GPC5: variants seen among roughly 807,000 people sequenced by gnomAD.
GPC5 encodes the protein glypican 5.
In GPC5, 47 loss-of-function variants were observed where a neutral mutation model predicts 53.9. The observed-to-expected ratio is 0.87, with a 90% confidence interval of 0.69 to 1.11. The LOEUF (loss-of-function observed/expected upper bound fraction) is 1.11. Ranked by LOEUF, GPC5 falls within the 50% of genes most tolerant of loss-of-function variation. The pLI, the probability that GPC5 is intolerant of heterozygous loss-of-function variation, is 0.00. For synonymous variants in GPC5, 286 were observed against 263.3 expected (o/e 1.09, Z -0.84); for missense variants, 748 against 713.1 (o/e 1.05, Z -0.56).
chr13:92,751,024 T>C (rs1015742985), intron 7 of GPC5, among the ~76,000 whole-genome samples: 1 of 152,140 alleles, frequency 6.6e-6, no homozygotes, highest in Non-Finnish European at 1.5e-5. Context: ...ATGCTTGTAG[T>C]ATAAAACAGC....
rs140294120 is a variant in GPC5, at chr13:92,799,511, A to G, written c.1562-66771A>G. On this transcript the variant is annotated intron_variant, in intron 7 of 7. Transcript: ENST00000377067. ...ATCTGAAAATTTACATGGGAACAAG[A>G]GGAAAGCAGCAATGTCTGAAAAATT... 2.4e-3 allele frequency among the ~76,000 whole-genome samples: 364 copies of G among 151,962 alleles called. 2 individuals are homozygous for G. Among genetic ancestry groups the G allele is most frequent in the African/African-American group, 8.6e-3 (355 of 41,506 alleles).
At chr13:92,441,319 T>C (rs1277577631) in intron 7 of GPC5, among the ~76,000 whole-genome samples, 1 of 152,230 alleles carries the variant, frequency 6.6e-6, no homozygotes, top group Non-Finnish European at 1.5e-5. Flanking sequence ...TCTGCCTGTC[T>C]GGGCCTCCCA....
intron 5 of GPC5, among the ~76,000 whole-genome samples, chr13:91,784,782 G>A (rs1389679458): frequency 2.0e-5 from 3 of 151,144 alleles, no homozygotes; most frequent in South Asian, 2.1e-4. Context: ...GATTAACTAT[G>A]CCATGGTTAT....
At chr13:92,628,194 C>A (rs553668351) in intron 7 of GPC5, among the ~76,000 whole-genome samples, 2 of 149,704 alleles carry the variant, frequency 1.3e-5, no homozygotes, top group East Asian at 4.0e-4. Flanking sequence ...CAAAAAGAAA[C>A]TATATATCAG....
At chr13:91,913,956 A>C (rs1158136901) in intron 6 of GPC5, among the ~76,000 whole-genome samples, 1 of 152,226 alleles carries the variant, frequency 6.6e-6, no homozygotes, top group Non-Finnish European at 1.5e-5. Context: ...TTAATATTAT[A>C]GATTGAAAAC....
chr13:92,352,505 T>C (rs926825449), intron 7 of GPC5, among the ~76,000 whole-genome samples: 3 of 152,138 alleles, frequency 2.0e-5, no homozygotes, highest in Non-Finnish European at 2.9e-5. Flanking sequence ...CTCTTAAAAA[T>C]GAATAAGGAA....
At chr13:92,433,195 G>A (rs960637058) in intron 7 of GPC5, among the ~76,000 whole-genome samples, 5 of 152,144 alleles carry the variant, frequency 3.3e-5, no homozygotes, top group African/African-American at 1.2e-4. Context: ...AAGACACCGA[G>A]ATGGTGAGAA....
chr13:91,968,813 A>G (rs527502383), intron 6 of GPC5, among the ~76,000 whole-genome samples: 1 of 152,076 alleles, frequency 6.6e-6, no homozygotes, highest in East Asian at 1.9e-4. Context: ...GTGCTATTGA[A>G]TCTCTGGGTA....
chr13:92,654,515 A>G (rs1375918139), intron 7 of GPC5, among the ~76,000 whole-genome samples: 1 of 152,148 alleles, frequency 6.6e-6, no homozygotes, highest in Non-Finnish European at 1.5e-5. Flanking sequence ...GAAAAAATAT[A>G]TTAAATTACA....
chr13:92,525,437 AGTGTGTGTGT>A lies in GPC5; in HGVS notation c.1562-340811_1562-340802del, dbSNP rs34946580. On this transcript the variant is annotated intron_variant, in intron 7 of 7. Transcript: ENST00000377067. Reference sequence around the variant, plus strand: ...AATGAATCAGAAGTAGATAGATTCAAGTGTGTGTGTGTGTGTGTGTGTGTGTGTGTGTGTG... The same window carrying A: ...AATGAATCAGAAGTAGATAGATTCAAGTGTGTGTGTGTGTGTGTGTGTGTG... 5.5e-3 allele frequency among the ~76,000 whole-genome samples: 753 copies of A among 136,674 alleles called. 8 individuals carry two copies. The highest frequency in any genetic ancestry group is 0.018 in the African/African-American group (678 of 37,278). The allele number at this position is 136,674 out of a possible 152,430, so 89.7% of individuals were successfully genotyped here.
chr13:92,299,923 G>A (rs372292284), intron 7 of GPC5, among the ~76,000 whole-genome samples: 1 of 152,262 alleles, frequency 6.6e-6, no homozygotes, highest in East Asian at 1.9e-4. Flanking sequence ...CCTGAGGCTT[G>A]TGAAAAAGGA....
intron 4 of GPC5, among the ~76,000 whole-genome samples, chr13:91,745,027 A>G (rs1357226744): frequency 6.6e-6 from 1 of 152,106 alleles, no homozygotes; most frequent in Non-Finnish European, 1.5e-5. Context: ...TTTCCCTAGT[A>G]TTATCTGACT....
At chr13:91,611,322 A>G (rs1305008308) in intron 2 of GPC5, among the ~76,000 whole-genome samples, 1 of 152,206 alleles carries the variant, frequency 6.6e-6, no homozygotes, top group Non-Finnish European at 1.5e-5. Context: ...GGCATATATG[A>G]CAACAATGTT....
chr13:92,095,065 A>AT (rs2041411524), intron 6 of GPC5, among the ~76,000 whole-genome samples: 1 of 152,118 alleles, frequency 6.6e-6, no homozygotes, highest in African/African-American at 2.4e-5. Context: ...TAAAAATGAG[A>AT]TTTTTCTGAG....
chr13:92,835,682 T>C (rs1001795826), intron 7 of GPC5, among the ~76,000 whole-genome samples: 2 of 152,022 alleles, frequency 1.3e-5, no homozygotes, highest in African/African-American at 4.8e-5. Flanking sequence ...TATTTCATAG[T>C]ACTTCTATTT....
intron 5 of GPC5, among the ~76,000 whole-genome samples, chr13:91,809,798 G>A (rs1424019887): frequency 6.6e-6 from 1 of 151,766 alleles, no homozygotes; most frequent in African/African-American, 2.4e-5. Flanking sequence ...ATATATATGT[G>A]AAAAATTCTC....
chr13:91,728,014 A>T (rs893416985), intron 3 of GPC5, among the ~76,000 whole-genome samples: 4 of 152,314 alleles, frequency 2.6e-5, no homozygotes, highest in African/African-American at 9.6e-5. Context: ...GAGAAAGAAG[A>T]TGCAGAACTA....
At chr13:91,990,366 C>G (rs1438917946) in intron 6 of GPC5, among the ~76,000 whole-genome samples, 1 of 152,026 alleles carries the variant, frequency 6.6e-6, no homozygotes, top group Non-Finnish European at 1.5e-5. Flanking sequence ...ATTATATTTT[C>G]TAAACCTCAG....
intron 2 of GPC5, among the ~76,000 whole-genome samples, chr13:91,686,172 A>G (rs976005985): frequency 1.3e-5 from 2 of 152,092 alleles, no homozygotes; most frequent in African/African-American, 4.8e-5. Context: ...CTGTTACACA[A>G]CTGCTTAAGG....
Sources: gnomAD v4.1 joint callset for allele counts (sites outside exome capture counted in the v4.1 genomes callset) on GRCh38, gnomAD v4.1.1 for gene constraint, MANE v1.5 for transcripts, NCBI Gene and HGNC (gene_info 2026-07-23, HGNC 2026-07-21) for gene names.